The following CDH13 variants were observed in gnomAD, a reference collection of about 807,000 sequenced individuals.
CDH13 encodes the protein cadherin-13.
Under a neutral mutation model 63.8 loss-of-function variants are expected in CDH13, and 24 were observed. The ratio of observed to expected loss-of-function variants is 0.38; its 90% CI spans 0.27 to 0.53. The LOEUF (loss-of-function observed/expected upper bound fraction) is 0.53, where lower values mean the gene tolerates loss of function less well. Among genes scored for constraint, CDH13 ranks in the 20% least tolerant of loss-of-function variants. The pLI is 0.85. For missense variants in CDH13, 1,049 were observed against 903.1 expected (o/e 1.16, Z -2.07); for synonymous variants, 503 against 355.3 (o/e 1.42, Z -4.67).
intron 6 of CDH13, among the ~76,000 whole-genome samples, chr16:83,416,997 C>A (rs1479124671): frequency 6.6e-6 from 1 of 152,140 alleles, no homozygotes; most frequent in Non-Finnish European, 1.5e-5. Context: ...TTTTTAAAAT[C>A]AGTAATATTA....
rs117290621 is a variant in CDH13 at position 83,628,420 on chromosome 16, T to G, written c.1101+25826T>G. 9.9e-3 allele frequency among the ~76,000 whole-genome samples: 1,508 copies of G among 152,286 alleles called. 7 individuals are homozygous for G. The highest frequency in any genetic ancestry group is 0.016 in the Non-Finnish European group (1,078 of 68,026). ...CCGGGGCTCTGCCTGGATAGTTTATTTTTTATGTTTGTCACATCGCTCTTC... is the reference window on the plus strand; with the variant it reads ...CCGGGGCTCTGCCTGGATAGTTTATGTTTTATGTTTGTCACATCGCTCTTC... On this transcript the variant is annotated intron_variant, in intron 8 of 13. Transcript: ENST00000567109.
intron 1 of CDH13, among the ~76,000 whole-genome samples, chr16:82,660,674 G>A (rs1421164265): frequency 6.6e-6 from 1 of 152,140 alleles, no homozygotes; most frequent in Non-Finnish European, 1.5e-5. Flanking sequence ...AGACCCTAGA[G>A]CAGCTTCAGA....
rs754394761 is a variant in CDH13, at chr16:83,744,636, C to G, written c.1539-3472C>G. 2.6e-4 allele frequency among the ~76,000 whole-genome samples: 39 copies of G among 152,286 alleles called. 1 individual carries two copies. The highest frequency in any genetic ancestry group is 8.7e-4 in the African/African-American group (36 of 41,558). ...CGTGTGAGTCACATCAGGGAGGACA[C>G]ACAGGGCCATGACCCCAGTGAGCCA... On this transcript the variant is annotated intron_variant, in intron 10 of 13. Transcript: ENST00000567109.
At chr16:83,445,497 G>A (rs1207417458) in intron 6 of CDH13, among the ~76,000 whole-genome samples, 1 of 152,064 alleles carries the variant, frequency 6.6e-6, no homozygotes, top group African/African-American at 2.4e-5. Context: ...CTGGCTGCAG[G>A]GTGGAGGAAG....
chr16:82,710,852 C>T (rs1040403876), intron 1 of CDH13, among the ~76,000 whole-genome samples: 1 of 150,068 alleles, frequency 6.7e-6, no homozygotes, highest in African/African-American at 2.4e-5. Flanking sequence ...TAAATGTGTA[C>T]ACATTTCAGA....
Position 82,741,081 on chromosome 16 carries a change from C to G in CDH13, c.45+113944C>G, listed in dbSNP as rs577329651. 7.9e-5 allele frequency among the ~76,000 whole-genome samples: 12 copies of G among 152,278 alleles called. No homozygotes were observed. The East Asian group carries it at 2.1e-3, about 27-fold the overall frequency. On this transcript the variant is annotated intron_variant, in intron 1 of 13. Transcript: ENST00000567109. ...TCTCACTCTCACTCTCCCCACACCC[C>G]CAAACCCAACAATGACCACAGATCT...
At chr16:83,297,129 T>C (rs2151871626) in intron 5 of CDH13, among the ~76,000 whole-genome samples, 1 of 152,240 alleles carries the variant, frequency 6.6e-6, no homozygotes, top group Middle Eastern at 3.4e-3. Context: ...AAAGCTACAG[T>C]CACATAGGAG....
intron 1 of CDH13, among the ~76,000 whole-genome samples, chr16:82,853,702 T>G (rs2039582230): frequency 6.6e-6 from 1 of 152,232 alleles, no homozygotes; most frequent in Non-Finnish European, 1.5e-5. Context: ...TTGTTAATCA[T>G]AGAATTTGAT....
chr16:83,092,796 A>C (rs974837208), intron 3 of CDH13, among the ~76,000 whole-genome samples: 2 of 152,202 alleles, frequency 1.3e-5, no homozygotes, highest in African/African-American at 4.8e-5. Flanking sequence ...CCAAATCTAG[A>C]ATCTCCCAAG....
intron 2 of CDH13, among the ~76,000 whole-genome samples, chr16:83,014,316 C>A (rs1039067669): frequency 9.5e-5 from 8 of 84,424 alleles, no homozygotes; most frequent in African/African-American, 1.8e-4. Flanking sequence ...GAGCCCAAAT[C>A]GATAAAAAAA....
chr16:83,260,747 G>T (rs138136681), intron 5 of CDH13, among the ~76,000 whole-genome samples: 12 of 152,156 alleles, frequency 7.9e-5, no homozygotes, highest in African/African-American at 2.7e-4. Context: ...TCCTTCAAGG[G>T]CATCTTATTG....
intron 7 of CDH13, among the ~76,000 whole-genome samples, chr16:83,554,804 A>T (rs1375574827): frequency 6.6e-5 from 10 of 152,030 alleles, no homozygotes; most frequent in Non-Finnish European, 1.3e-4. Context: ...CAAAGCCATT[A>T]TGTAATCTTC....
intron 7 of CDH13, among the ~76,000 whole-genome samples, chr16:83,501,366 C>T (rs1281575366): frequency 6.6e-6 from 1 of 152,142 alleles, no homozygotes; most frequent in African/African-American, 2.4e-5. Flanking sequence ...GTTGTGTGGG[C>T]TGATTTTTCT....
At chr16:83,421,157 G>A (rs1005372595) in intron 6 of CDH13, among the ~76,000 whole-genome samples, 2 of 151,888 alleles carry the variant, frequency 1.3e-5, no homozygotes, top group Admixed American at 6.5e-5. Flanking sequence ...TCCAGTACTG[G>A]AGGAGAAAGT....
chr16:82,901,324 CTGTGTGTGTGTGTGTG>C (rs61370328), intron 2 of CDH13, among the ~76,000 whole-genome samples: 8 of 130,416 alleles, frequency 6.1e-5, no homozygotes, highest in Non-Finnish European at 8.1e-5. Flanking sequence ...TAGTATTCTC[CTGTGTGTGTGTGTGTG>C]TGTGTGTGTG....
intron 7 of CDH13, among the ~76,000 whole-genome samples, chr16:83,540,208 G>A (rs1290759198): frequency 6.6e-6 from 1 of 151,960 alleles, no homozygotes; most frequent in Non-Finnish European, 1.5e-5. Context: ...GGTGTTGGAG[G>A]CCGAAAGATT....
At chr16:83,317,088 C>A (rs990327566) in intron 5 of CDH13, among the ~76,000 whole-genome samples, 2 of 152,178 alleles carry the variant, frequency 1.3e-5, no homozygotes, top group African/African-American at 2.4e-5. Context: ...TATTGGTATC[C>A]CATGGATGAA....
intron 6 of CDH13, among the ~76,000 whole-genome samples, chr16:83,390,396 G>T (rs746684815): frequency 1.8e-4 from 27 of 152,016 alleles, no homozygotes; most frequent in Non-Finnish European, 3.8e-4. Context: ...AAGTCCCGGG[G>T]CCCTGGAGCA....
At chr16:83,188,132 T>C (rs750861769) in intron 4 of CDH13, among the ~76,000 whole-genome samples, 8 of 152,258 alleles carry the variant, frequency 5.3e-5, no homozygotes, top group Middle Eastern at 3.4e-3. Context: ...TTTATTCTAA[T>C]TGAGTGGGAA....
Sources: gnomAD v4.1 joint callset for allele counts (sites outside exome capture counted in the v4.1 genomes callset) on GRCh38, gnomAD v4.1.1 for gene constraint, MANE v1.5 for transcripts, NCBI Gene and HGNC (gene_info 2026-07-23, HGNC 2026-07-21) for gene names.